The following FBXO33 variants were observed in gnomAD, a reference collection of about 807,000 sequenced individuals.
FBXO33 encodes the protein F-box protein 33, also known as F-box only protein 33.
A neutral mutation model predicts 46.3 loss-of-function variants in FBXO33; 22 were observed. The observed-to-expected ratio is 0.48, with a 90% CI of 0.34 to 0.68. The LOEUF (loss-of-function observed/expected upper bound fraction) is 0.68, where lower values mean the gene tolerates loss of function less well. Ranked by LOEUF, FBXO33 falls within the 30% of genes least tolerant of loss-of-function variation. The pLI is 0.01. For missense variants in FBXO33, 692 were observed against 708.8 expected, an observed-to-expected ratio of 0.98 and a Z score of 0.27; for synonymous variants, 337 against 291.3, an observed-to-expected ratio of 1.16 and a Z score of -1.60.
rs955574690 is a variant in FBXO33, at chr14:39,398,405, T to G, written c.*1111A>C. ...ACCTGTGATAGAACAAGCTTTCAGT[T>G]TTTCCTTTCTTTCCTTTACATTCAC... is the stretch of plus-strand genomic sequence containing the variant. On this transcript the variant is annotated 3_prime_UTR_variant, in exon 4 of 4. Coordinates refer to ENST00000298097, the MANE Select transcript of FBXO33 (RefSeq NM_203301.4). 2 of 152,484 alleles carry G rather than the reference T, an allele frequency of 1.3e-5. No individual in the cohort carries two copies. The highest frequency in any genetic ancestry group is 4.8e-5 in the African/African-American group (2 of 41,452). 9.4% of individuals were successfully genotyped at this position (152,484 alleles called of 1,614,324 possible).
At chr14:39,412,804 A>C (rs551093051) in intron 1 of FBXO33, among the ~76,000 whole-genome samples, 4 of 152,398 alleles carry the variant, frequency 2.6e-5, no homozygotes, top group South Asian at 4.1e-4. Context: ...TAATGTTTAC[A>C]CTGTAATGTA....
At chr14:39,430,106 A>T (rs1173461701) in intron 1 of FBXO33, among the ~76,000 whole-genome samples, 1 of 152,222 alleles carries the variant, frequency 6.6e-6, no homozygotes, top group East Asian at 1.9e-4. Flanking sequence ...TCTCATTAGT[A>T]AGTGCTCACT....
chr14:39,400,540 C>T (rs1253102396), intron 3 of FBXO33, among the ~76,000 whole-genome samples: 1 of 151,796 alleles, frequency 6.6e-6, no homozygotes, highest in East Asian at 1.9e-4. Context: ...CATACATTCC[C>T]AAATACAAAT....
chr14:39,401,988 T>G, intron 2 of FBXO33, 127 bp from the exon 3 acceptor site: 1 of 703,612 alleles, frequency 1.4e-6, no homozygotes, highest in Non-Finnish European at 2.3e-6. Context: ...TTAGGTAATT[T>G]CGATTCAACC....
chr14:39,404,893 A>T (rs372749157), intron 1 of FBXO33, among the ~76,000 whole-genome samples: 1 of 151,824 alleles, frequency 6.6e-6, no homozygotes, highest in South Asian at 2.1e-4. Context: ...TCACACCTGT[A>T]ATCCCAGCAC....
chr14:39,423,298 A>G lies in FBXO33; in HGVS notation c.599+8266T>C, dbSNP rs552222252. Among the ~76,000 whole-genome samples the G allele has an allele frequency of 1.1e-3, 161 of 152,320 alleles. 6 individuals are homozygous for G. In the South Asian group the frequency reaches 0.032, roughly 30 times the overall value. On this transcript the variant is annotated intron_variant, in intron 1 of 3. Transcript: ENST00000298097. ...CTAACATGTTAGTAACTGTGGAAAA[A>G]CTGGAACTCATATATATTACCAATG...
chr14:39,419,949 C>T (rs555546381), intron 1 of FBXO33, among the ~76,000 whole-genome samples: 1 of 152,162 alleles, frequency 6.6e-6, no homozygotes, highest in Non-Finnish European at 1.5e-5. Flanking sequence ...CTTTCTAAAG[C>T]ATGCAAAAGG....
chr14:39,411,713 G>A (rs1380338259), intron 1 of FBXO33, among the ~76,000 whole-genome samples: 3 of 152,054 alleles, frequency 2.0e-5, no homozygotes, highest in Non-Finnish European at 4.4e-5. Flanking sequence ...AGTAGAGACA[G>A]GGTTTCACAA....
chr14:39,413,643 GA>G (rs1316957934), intron 1 of FBXO33, among the ~76,000 whole-genome samples: 2 of 152,162 alleles, frequency 1.3e-5, no homozygotes, highest in Non-Finnish European at 2.9e-5. Context: ...GATAAGACTT[GA>G]AAGTCAAAAT....
At position 39,401,335 on chromosome 14, in the gene FBXO33, G is replaced by C. The variant is rs1477507666; in HGVS notation, c.1237C>G (p.Leu413Val). 2.5e-6 allele frequency: 4 copies of C among 1,613,934 alleles called. No homozygotes were observed. Among genetic ancestry groups the C allele is most frequent in the Non-Finnish European group, 2.5e-6 (3 of 1,180,004 alleles). Residue 413 changes from leucine to valine, a missense_variant, in exon 3 of 4, where the codon CTT (leucine) becomes GTT (valine). Physicochemically the swap from Leu to Val is conservative, Grantham distance 32. Transcript: ENST00000298097. ...AACTTGTCATATTGCCTGGATATAA[G>C]ATCAACAATAGCCCCTGAAACACAA... ...ITCVSGAIVD[L>V]ISRQYDKFLT...
In FBXO33 at chr14:39,432,015, C is replaced by T; in HGVS notation, c.148G>A (p.Gly50Arg). The T allele has an allele frequency of 7.1e-7, 1 of 1,410,086 alleles. No individual in the cohort carries two copies. The highest frequency in any genetic ancestry group is 9.1e-7 in the Non-Finnish European group (1 of 1,093,532). The allele number at this position is 1,410,086 out of a possible 1,614,324, so 87.3% of individuals were successfully genotyped here. A position where few individuals can be genotyped will look rare whatever the true frequency, so the allele number is the denominator to read the frequency against. ...GLLRVLRGRP[G>R]AGSRRRGRMA... ...CGGCCCCGCCGCCGGCTGCCGGCTC[C>T]CGGCCGCCCCCGCAGTACCCGGAGC... The change falls in exon 1 of 4, where the codon GGA (glycine) becomes AGA (arginine). Residue 50 changes from glycine (G) to arginine (R), a missense_variant. This residue lies in a region of FBXO33 where 412 missense variants were observed against 370.8 expected (regional missense o/e 1.11). Transcript: ENST00000298097.
intron 1 of FBXO33, among the ~76,000 whole-genome samples, chr14:39,420,472 C>T (rs941096670): frequency 3.3e-5 from 5 of 152,128 alleles, no homozygotes; most frequent in African/African-American, 7.2e-5. Context: ...GGGCGGATCA[C>T]GAGGTCAGAT....
intron 3 of FBXO33, among the ~76,000 whole-genome samples, chr14:39,400,835 C>T (rs2075365309): frequency 1.3e-5 from 2 of 152,096 alleles, no homozygotes; most frequent in South Asian, 4.1e-4. Flanking sequence ...ATTCTCTTCC[C>T]CCGCACTATG....
intron 1 of FBXO33, among the ~76,000 whole-genome samples, chr14:39,424,283 C>T (rs931483592): frequency 6.6e-6 from 1 of 152,188 alleles, no homozygotes; most frequent in Non-Finnish European, 1.5e-5. Context: ...CTCCTAAGTC[C>T]ACCATTCCCA....
At chr14:39,421,285 C>G (rs1343098294) in intron 1 of FBXO33, among the ~76,000 whole-genome samples, 1 of 152,240 alleles carries the variant, frequency 6.6e-6, no homozygotes, top group African/African-American at 2.4e-5. Flanking sequence ...TAGCCCAACT[C>G]TGGCCCTTAT....
intron 1 of FBXO33, among the ~76,000 whole-genome samples, chr14:39,421,059 C>T (rs2075480405): frequency 6.6e-6 from 1 of 152,194 alleles, no homozygotes; most frequent in Non-Finnish European, 1.5e-5. Flanking sequence ...CCCTGTGACC[C>T]TGGTGGTGAC....
chr14:39,405,634 T>C (rs919951161), intron 1 of FBXO33, among the ~76,000 whole-genome samples: 18 of 151,958 alleles, frequency 1.2e-4, no homozygotes, highest in African/African-American at 3.9e-4. Context: ...TTTTTGACTA[T>C]ATAAAAATGA....
intron 1 of FBXO33, among the ~76,000 whole-genome samples, chr14:39,419,355 C>T (rs759156634): frequency 4.6e-5 from 7 of 151,898 alleles, no homozygotes; most frequent in Non-Finnish European, 1.0e-4. Flanking sequence ...AGTTAGAAAA[C>T]CATAAAAAAA....
At chr14:39,407,768 A>G (rs1262422287) in intron 1 of FBXO33, among the ~76,000 whole-genome samples, 3 of 152,130 alleles carry the variant, frequency 2.0e-5, no homozygotes, top group East Asian at 3.8e-4. Context: ...GGGTGTGCAG[A>G]TATCTTTGAG....
Sources: gnomAD v4.1 joint callset for allele counts (sites outside exome capture counted in the v4.1 genomes callset) on GRCh38, gnomAD v4.1.1 for gene constraint, gnomAD v4.1.1 regional missense constraint, MANE v1.5 for transcripts, NCBI Gene and HGNC (gene_info 2026-07-23, HGNC 2026-07-21) for gene names.